The following NUP214 variants were observed in gnomAD, a reference collection of about 807,000 sequenced individuals.
NUP214 encodes the protein nuclear pore complex protein Nup214.
In NUP214, 79 loss-of-function variants were observed where a neutral mutation model predicts 196.2. The ratio of observed to expected loss-of-function variants is 0.40; its 90% CI spans 0.34 to 0.49. The LOEUF is 0.49. NUP214 is among the 20% of genes least tolerant of loss of function. The probability of loss-of-function intolerance (pLI) is 0.58; values close to 1 mark genes in which losing one functional copy is unlikely to be tolerated. For missense variants in NUP214, 2,468 were observed against 2,539.0 expected, an observed-to-expected ratio of 0.97 and a Z score of 0.60; for synonymous variants, 1,020 against 990.5, an observed-to-expected ratio of 1.03 and a Z score of -0.56.
chr9:131,193,629 C>CTTTTTTTTTTTCTTTTTTTTTTTTTTT (rs1833679286), intron 27 of NUP214, among the ~76,000 whole-genome samples: 1 of 28,218 alleles, frequency 3.5e-5, no homozygotes. Context: ...TCTTCCTTTT[C>CTTTTTTTTTTTCTTTTTTTTTTTTTTT]TTTTTTTTTT....
chr9:131,135,671 A>G (rs912338356), intron 8 of NUP214, among the ~76,000 whole-genome samples: 3 of 152,206 alleles, frequency 2.0e-5, no homozygotes, highest in East Asian at 1.9e-4. Context: ...TGGATGGCAT[A>G]TTGATTGTGA....
intron 30 of NUP214, among the ~76,000 whole-genome samples, chr9:131,206,148 C>CTTTTTTTTTTTCTTTTT (rs1834077536): frequency 1.3e-5 from 1 of 76,388 alleles, no homozygotes; most frequent in Non-Finnish European, 2.4e-5. Flanking sequence ...TTTCTTTTTT[C>CTTTTTTTTTTTCTTTTT]TTTTTTTTTT....
chr9:131,189,951 A>T (rs1292295283), intron 26 of NUP214: 1 of 157,372 alleles, frequency 6.4e-6, no homozygotes, highest in African/African-American at 2.4e-5. Flanking sequence ...TTCTGTTAGA[A>T]ATTGAACTTC....
rs920977003 is a variant in NUP214 at position 131,165,461 on chromosome 9, T to C, written c.2893+1317T>C. ...TTTAAAATTCATGAGCCCTTACTAT[T>C]AAACAAAATAAATGCTGGTGGTGAA... On this transcript the variant is annotated intron_variant, in intron 21 of 35. Coordinates refer to ENST00000359428, the MANE Select transcript of NUP214 (RefSeq NM_005085.4). Among the ~76,000 whole-genome samples, 6 of 152,214 alleles carry C rather than the reference T, an allele frequency of 3.9e-5. No homozygotes were observed. In the East Asian group the frequency reaches 1.2e-3, roughly 29 times the overall value.
intron 32 of NUP214, among the ~76,000 whole-genome samples, chr9:131,223,727 A>ATTTATTTATTTATTTATTTTTTT: frequency 1.3e-4 from 2 of 15,656 alleles, no homozygotes; most frequent in East Asian, 4.9e-3. Context: ...TTATTTATTT[A>ATTTATTTATTTATTTATTTTTTT]TTTTTTTTTT....
chr9:131,175,951 C>T (rs973505979), intron 23 of NUP214, among the ~76,000 whole-genome samples: 3 of 151,678 alleles, frequency 2.0e-5, no homozygotes, highest in Non-Finnish European at 4.4e-5. Flanking sequence ...CTTTGAAATT[C>T]GATCATCGAA....
chr9:131,198,968 C>G lies in NUP214; in HGVS notation c.5474C>G (p.Ala1825Gly). Residue 1825 changes from alanine to glycine, a missense_variant, in exon 29 of 36, where the codon GCC becomes GGC. Around this residue, in one of 5 missense-constraint regions of NUP214, gnomAD observed 1,801 missense variants for 1,779.4 expected, o/e 1.01. Transcript: ENST00000359428. ...TCTGTCTTTGGTGGTACCTCAGCTG[C>G]CACCACAACAGCAGCAACCTCTGGG... ...GGSVFGGTSA[A>G]TTTAATSGFS... 1 of 1,612,574 alleles carries G rather than the reference C, an allele frequency of 6.2e-7. No individual in the cohort carries two copies. Among genetic ancestry groups the G allele is most frequent in the Non-Finnish European group, 8.5e-7 (1 of 1,178,820 alleles).
intron 33 of NUP214, chr9:131,228,876 G>A (rs1194782464): frequency 6.6e-6 from 1 of 152,210 alleles, no homozygotes; most frequent in Non-Finnish European, 1.5e-5. Flanking sequence ...TCATTGCCTC[G>A]TGTGCGTCTG....
intron 28 of NUP214, among the ~76,000 whole-genome samples, chr9:131,195,819 A>G (rs1422771288): frequency 6.6e-6 from 1 of 152,138 alleles, no homozygotes; most frequent in Non-Finnish European, 1.5e-5. Context: ...TGAGGTCAGG[A>G]GTTCAAGACC....
intron 17 of NUP214, among the ~76,000 whole-genome samples, chr9:131,157,623 C>T (rs991305552): frequency 1.3e-5 from 2 of 151,998 alleles, no homozygotes; most frequent in Admixed American, 6.5e-5. Flanking sequence ...CACCACCACT[C>T]CCAGCTAATT....
chr9:131,127,948 T>C (rs999664370), intron 2 of NUP214, among the ~76,000 whole-genome samples: 8 of 152,260 alleles, frequency 5.3e-5, no homozygotes, highest in African/African-American at 1.9e-4. Flanking sequence ...TTAACCATTA[T>C]GCCATGCTTT....
At chr9:131,182,238 A>G (rs948401825) in intron 24 of NUP214, among the ~76,000 whole-genome samples, 18 of 152,258 alleles carry the variant, frequency 1.2e-4, no homozygotes, top group Admixed American at 1.1e-3. Flanking sequence ...ATAATTTAAA[A>G]AAATAAAATG....
intron 4 of NUP214, among the ~76,000 whole-genome samples, chr9:131,130,344 C>T (rs1032668089): frequency 4.6e-5 from 7 of 151,780 alleles, no homozygotes; most frequent in African/African-American, 1.7e-4. Flanking sequence ...GGGGTTTCAC[C>T]ATGTTGGCCA....
chr9:131,229,257 G>C, intron 33 of NUP214: 1 of 161,144 alleles, frequency 6.2e-6, no homozygotes, highest in Non-Finnish European at 1.4e-5. Flanking sequence ...CTGGAGCGCA[G>C]CAGCAGGAGT....
At chr9:131,126,794 C>T (rs541006027) in intron 1 of NUP214, among the ~76,000 whole-genome samples, 2 of 152,206 alleles carry the variant, frequency 1.3e-5, no homozygotes, top group Non-Finnish European at 2.9e-5. Context: ...ACGTGATCCG[C>T]CCTCCTCTGG....
At chr9:131,229,848 A>G (rs12341218) in intron 33 of NUP214, 17,271 of 479,808 alleles carry the variant, frequency 0.036, 526 homozygotes, top group African/African-American at 0.11. Context: ...GTGGGAAGGC[A>G]GAGTTTTAGA....
Position 131,135,986 on chromosome 9 carries a change from C to T in NUP214, c.985C>T (p.Leu329Phe), listed in dbSNP as rs1831714852. The T allele has an allele frequency of 6.2e-7, 1 of 1,613,480 alleles. No individual in the cohort carries two copies. Among genetic ancestry groups the T allele is most frequent in the African/African-American group, 1.3e-5 (1 of 74,934 alleles). The stretch of plus-strand genomic sequence containing the variant: ...TGCGGCTTCAACAGAAGTTAGTATC[C>T]TTGCTCGACAAAGTGATCAGGTAAA... ...ASAASTEVSI[L>F]ARQSDQINWE... The change falls in exon 9 of 36, where the codon CTT becomes TTT. Residue 329 changes from leucine (L) to phenylalanine (F), a missense_variant. Physicochemically the swap from Leu to Phe is conservative, Grantham distance 22. Transcript: ENST00000359428.
At chr9:131,166,313 A>G (rs1832785224) in intron 21 of NUP214, among the ~76,000 whole-genome samples, 1 of 152,182 alleles carries the variant, frequency 6.6e-6, no homozygotes, top group African/African-American at 2.4e-5. Context: ...TTTGTTCACA[A>G]ATCTTTAGCC....
At chr9:131,138,227 C>T (rs1055638157) in intron 9 of NUP214, among the ~76,000 whole-genome samples, 8 of 151,010 alleles carry the variant, frequency 5.3e-5, no homozygotes, top group African/African-American at 1.7e-4. Context: ...TCCTCCCCTC[C>T]GCTCTCCTCC....
Sources: gnomAD v4.1 joint callset for allele counts (sites outside exome capture counted in the v4.1 genomes callset) on GRCh38, gnomAD v4.1.1 for gene constraint, gnomAD v4.1.1 regional missense constraint, MANE v1.5 for transcripts, NCBI Gene and HGNC (gene_info 2026-07-23, HGNC 2026-07-21) for gene names.